The following ERC1 variants were observed in gnomAD, a reference collection of about 807,000 sequenced individuals.
The protein encoded by ERC1 is RAB6 interacting protein 2.
In ERC1, 56 loss-of-function variants were observed where a neutral mutation model predicts 132.0. That is an observed-to-expected ratio of 0.42 (90% CI 0.34 to 0.53). ERC1 has a LOEUF of 0.53. ERC1 is among the 20% of genes least tolerant of loss of function. ERC1 has a pLI of 0.03. For missense variants in ERC1, 1,202 were observed against 1,349.9 expected (o/e 0.89, Z 1.72); for synonymous variants, 478 against 476.1 (o/e 1.00, Z -0.05).
intron 2 of ERC1, among the ~76,000 whole-genome samples, chr12:1,040,821 T>C (rs1034322779): frequency 6.6e-6 from 1 of 152,206 alleles, no homozygotes; most frequent in African/African-American, 2.4e-5. Flanking sequence ...GAAAGTGAGA[T>C]AGTTCAGCCT....
At chr12:1,064,910 A>G (rs1463367611) in intron 2 of ERC1, among the ~76,000 whole-genome samples, 1 of 152,144 alleles carries the variant, frequency 6.6e-6, no homozygotes, top group Non-Finnish European at 1.5e-5. Context: ...CCCAAAGTGC[A>G]AGTAGTTGTT....
chr12:1,336,242 TC>T (rs1356373033), intron 15 of ERC1, among the ~76,000 whole-genome samples: 3 of 152,162 alleles, frequency 2.0e-5, no homozygotes, highest in Non-Finnish European at 4.4e-5. Flanking sequence ...TTTTCATGTC[TC>T]AGTGTCCCTC....
In ERC1 at chr12:1,408,196, C is replaced by G. The variant is rs751749299; in HGVS notation, c.2973C>G (p.His991Gln). 3.7e-6 allele frequency: 6 copies of G among 1,613,936 alleles called. No homozygotes were observed. The East Asian group carries it at 1.3e-4, about 36-fold the overall frequency. The change falls in exon 17 of 19, where the codon CAC (histidine) becomes CAG (glutamine). Residue 991 changes from histidine to glutamine, a missense_variant. Transcript: ENST00000360905. ...KLMADNYEDD[H>Q]FKSSHSNQTN... ...TGGCCGACAACTACGAGGATGACCACTTCAAATCCTCCCATTCCAATCAAA... is the reference window on the plus strand; with the variant it reads ...TGGCCGACAACTACGAGGATGACCAGTTCAAATCCTCCCATTCCAATCAAA...
At chr12:1,320,240 G>A (rs967663282) in intron 15 of ERC1, among the ~76,000 whole-genome samples, 3 of 152,148 alleles carry the variant, frequency 2.0e-5, no homozygotes, top group African/African-American at 7.2e-5. Context: ...GAGTTGCTGG[G>A]TCAAAACATA....
At chr12:1,321,071 G>A (rs1051901354) in intron 15 of ERC1, among the ~76,000 whole-genome samples, 1 of 152,142 alleles carries the variant, frequency 6.6e-6, no homozygotes, top group Non-Finnish European at 1.5e-5. Context: ...CAAGGGGAAG[G>A]GTATAAGAAT....
intron 16 of ERC1, among the ~76,000 whole-genome samples, chr12:1,401,989 A>G (rs1408187465): frequency 6.6e-6 from 1 of 152,172 alleles, no homozygotes; most frequent in Non-Finnish European, 1.5e-5. Flanking sequence ...CATTCATCTG[A>G]TAGGAGTTTT....
rs115359874 is a variant in ERC1, at chr12:1,013,480, C to T, written c.-156-14268C>T. Among the ~76,000 whole-genome samples, 1,086 of 152,074 alleles carry T rather than the reference C, an allele frequency of 7.1e-3. 11 individuals are homozygous for T. The highest frequency in any genetic ancestry group is 0.025 in the African/African-American group (1,039 of 41,460). ...GTAACTGACAAGTGTTAAGATTGCT[C>T]GTTTACAATTGATGTGTCATTGCTG... is the stretch of plus-strand genomic sequence containing the variant. On this transcript the variant is annotated intron_variant, in intron 1 of 18. Transcript: ENST00000360905.
chr12:1,244,123 A>G (rs1311708156), intron 13 of ERC1, among the ~76,000 whole-genome samples: 1 of 152,178 alleles, frequency 6.6e-6, no homozygotes, highest in African/African-American at 2.4e-5. Context: ...TCTCGGGCAC[A>G]TAATTCCAGA....
At chr12:1,219,274 C>T (rs916204073) in intron 12 of ERC1, among the ~76,000 whole-genome samples, 3 of 152,150 alleles carry the variant, frequency 2.0e-5, no homozygotes, top group African/African-American at 7.2e-5. Flanking sequence ...TTATTACCTA[C>T]ACAATGTCTT....
intron 7 of ERC1, among the ~76,000 whole-genome samples, chr12:1,139,277 C>T (rs1458384121): frequency 6.6e-6 from 1 of 152,138 alleles, no homozygotes; most frequent in Non-Finnish European, 1.5e-5. Context: ...TATCCACGTA[C>T]CCACACTACC....
intron 16 of ERC1, among the ~76,000 whole-genome samples, chr12:1,382,963 A>T (rs1021892111): frequency 3.6e-4 from 55 of 152,250 alleles, no homozygotes; most frequent in African/African-American, 1.2e-3. Flanking sequence ...AATGTGGGGA[A>T]ACCTGGACTC....
chr12:1,463,412 CAAAG>C (rs2093680169), intron 18 of ERC1, among the ~76,000 whole-genome samples: 1 of 152,106 alleles, frequency 6.6e-6, no homozygotes. Flanking sequence ...GAGAAAAGAA[CAAAG>C]AAAGAAAGAA....
chr12:1,432,497 A>G (rs979251812), intron 17 of ERC1, among the ~76,000 whole-genome samples: 1 of 152,264 alleles, frequency 6.6e-6, no homozygotes, highest in South Asian at 2.1e-4. Context: ...GATGTCAGGT[A>G]GTTACCAAGG....
At chr12:1,363,089 G>A (rs772345476) in intron 15 of ERC1, among the ~76,000 whole-genome samples, 21 of 152,090 alleles carry the variant, frequency 1.4e-4, no homozygotes, top group Non-Finnish European at 4.4e-5. Flanking sequence ...CTGGTCACTC[G>A]CCATTTCCCA....
At chr12:1,077,320 A>G (rs1941511055) in intron 2 of ERC1, among the ~76,000 whole-genome samples, 1 of 152,200 alleles carries the variant, frequency 6.6e-6, no homozygotes, top group African/African-American at 2.4e-5. Context: ...CTAAGAAACT[A>G]ATGACAGTTT....
At chr12:1,070,723 A>G (rs779396058) in intron 2 of ERC1, among the ~76,000 whole-genome samples, 1 of 152,202 alleles carries the variant, frequency 6.6e-6, no homozygotes, top group Non-Finnish European at 1.5e-5. Context: ...GTTTCCATAC[A>G]GTGAAATGCA....
chr12:1,131,996 G>A (rs1202382020), intron 7 of ERC1, among the ~76,000 whole-genome samples: 1 of 152,158 alleles, frequency 6.6e-6, no homozygotes, highest in Non-Finnish European at 1.5e-5. Flanking sequence ...TGGTGTCAGG[G>A]CAATGACTGT....
In ERC1 at chr12:1,168,777, G is replaced by A. The variant is rs186554578; in HGVS notation, c.1738-11763G>A. Among the ~76,000 whole-genome samples the A allele has an allele frequency of 4.7e-4, 71 of 152,220 alleles. 1 individual carries two copies. Among genetic ancestry groups the A allele is most frequent in the African/African-American group, 1.5e-3 (62 of 41,516 alleles). ...GCTGAGATTATAGGCGTGAGCCATC[G>A]TGCCGGCTGTGACGGGTCATTTTAA... On this transcript the variant is annotated intron_variant, in intron 8 of 18. Transcript: ENST00000360905.
chr12:1,495,802 A>T lies in ERC1; in HGVS notation c.*5572A>T, dbSNP rs1398335516. The T allele has an allele frequency of 2.8e-5, 6 of 216,412 alleles. No homozygotes were observed. Among genetic ancestry groups the T allele is most frequent in the Non-Finnish European group, 1.9e-5 (2 of 107,478 alleles). The allele number at this position is 216,412 out of a possible 1,614,324, so 13.4% of individuals were successfully genotyped here. On this transcript the variant is annotated 3_prime_UTR_variant, in exon 19 of 19. Coordinates refer to ENST00000360905, the MANE Select transcript of ERC1 (RefSeq NM_178040.4). ...CTGCTGGAGTTGTGTTACTGACAGG[A>T]TAATGACATTACAAAGAAATTGTGT...
Sources: allele counts gnomAD v4.1 joint callset (sites outside exome capture counted in the v4.1 genomes callset), GRCh38; gene constraint gnomAD v4.1.1; transcripts MANE v1.5; gene names NCBI Gene and HGNC (gene_info 2026-07-23, HGNC 2026-07-21).